WRN: variants seen among roughly 807,000 people sequenced by gnomAD.
WRN encodes WRN RecQ like helicase.
In WRN, 149 loss-of-function variants were observed where a neutral mutation model predicts 180.7. The observed-to-expected ratio is 0.82, with a 90% CI of 0.72 to 0.94. The LOEUF is 0.94. Among genes scored for constraint, WRN ranks in the 40% least tolerant of loss-of-function variants. The pLI is 0.00. For missense variants in WRN, 1,661 were observed against 1,700.1 expected (o/e 0.98, Z 0.40); for synonymous variants, 548 against 568.9 (o/e 0.96, Z 0.52).
At chr8:31,170,994 G>T (rs1804080237) in intron 34 of WRN, 1 of 152,124 alleles carries the variant, frequency 6.6e-6, no homozygotes, top group African/African-American at 2.4e-5. Flanking sequence ...GATGTGTTTT[G>T]CTATTTTACA....
chr8:31,148,639 C>G (rs1323874096), intron 30 of WRN, among the ~76,000 whole-genome samples: 1 of 152,138 alleles, frequency 6.6e-6, no homozygotes, highest in East Asian at 1.9e-4. Flanking sequence ...CGCTTTATTA[C>G]TATTTCTCGC....
intron 24 of WRN, among the ~76,000 whole-genome samples, chr8:31,140,991 G>A (rs1802601855): frequency 6.6e-6 from 1 of 152,040 alleles, no homozygotes; most frequent in Non-Finnish European, 1.5e-5. Context: ...TCCTGACCTC[G>A]TGATCTGCCT....
At chr8:31,098,776 T>C (rs962664701) in intron 17 of WRN, among the ~76,000 whole-genome samples, 1 of 152,214 alleles carries the variant, frequency 6.6e-6, no homozygotes, top group African/African-American at 2.4e-5. Flanking sequence ...CCAACCAGAC[T>C]TTTAACTTAA....
chr8:31,170,469 T>A (rs1174478048), intron 34 of WRN, among the ~76,000 whole-genome samples: 2 of 152,220 alleles, frequency 1.3e-5, no homozygotes, highest in African/African-American at 2.4e-5. Flanking sequence ...AATTGACTTA[T>A]GAAAATAGTT....
intron 16 of WRN, among the ~76,000 whole-genome samples, chr8:31,093,965 A>G (rs1813858146): frequency 6.6e-6 from 1 of 152,224 alleles, no homozygotes; most frequent in South Asian, 2.1e-4. Context: ...AGTGGATTAC[A>G]TTTTATGGAT....
chr8:31,061,932 A>G (rs565730237), intron 3 of WRN, among the ~76,000 whole-genome samples: 1 of 152,072 alleles, frequency 6.6e-6, no homozygotes, highest in Admixed American at 6.5e-5. Context: ...CCTTAGGGAG[A>G]TTTCTGGAGC....
chr8:31,172,069 G>A (rs995465404), intron 34 of WRN, among the ~76,000 whole-genome samples: 2 of 152,124 alleles, frequency 1.3e-5, no homozygotes, highest in East Asian at 3.9e-4. Context: ...TTAGGCTTAT[G>A]AAACACTTAG....
intron 18 of WRN, among the ~76,000 whole-genome samples, chr8:31,108,695 C>CA (rs1801188283): frequency 6.6e-6 from 1 of 151,850 alleles, no homozygotes; most frequent in Admixed American, 6.6e-5. Flanking sequence ...CACAGGTTTG[C>CA]AGTGTTACAC....
Position 31,091,025 on chromosome 8 carries a change from A to G in WRN, c.1829+83A>G. 3.8e-6 allele frequency: 4 copies of G among 1,062,826 alleles called. No homozygotes were observed. The South Asian group carries it at 3.8e-5, about 10-fold the overall frequency. 65.8% of individuals were successfully genotyped at this position (1,062,826 alleles called of 1,614,324 possible). A position where few individuals can be genotyped will look rare whatever the true frequency, so the allele number is the denominator to read the frequency against. On this transcript the variant is annotated intron_variant, in intron 15 of 34. Transcript: ENST00000298139. ...CATCTGATCCATCATGCATGTTAAA[A>G]TCTAGTTCACAATAACACATTTCTG...
At chr8:31,037,641 G>A (rs1811500215) in intron 1 of WRN, among the ~76,000 whole-genome samples, 1 of 152,184 alleles carries the variant, frequency 6.6e-6, no homozygotes, top group Non-Finnish European at 1.5e-5. Flanking sequence ...TTATTGAAGA[G>A]CCTGACCTTT....
intron 12 of WRN, among the ~76,000 whole-genome samples, chr8:31,088,279 T>G (rs2130159932): frequency 6.6e-6 from 1 of 152,294 alleles, no homozygotes. Flanking sequence ...TCTTGGCCAC[T>G]CAGGAATCTT....
rs1163698357 is a variant in WRN, at chr8:31,167,141, G to A, written c.4102G>A (p.Asp1368Asn). 4 of 1,613,208 alleles carry A rather than the reference G, an allele frequency of 2.5e-6. No homozygotes were observed. The East Asian group carries it at 8.9e-5, about 36-fold the overall frequency. Residue 1368 changes from aspartate to asparagine, a missense_variant, in exon 34 of 35, where the codon GAT becomes AAT. Asp to Asn is a conservative substitution (Grantham distance 23). Around this residue, in one of 3 missense-constraint regions of WRN, gnomAD observed 1,141 missense variants for 1,149.4 expected, o/e 0.99. Transcript: ENST00000298139. ...TGACAGCGGACTTCAACCTTCATGT[G>A]ATGTCAACAAAAGGAGATGTTTTCC... ...GPDSGLQPSCDVNKRRCFPGS... is the reference protein window; with the variant it reads ...GPDSGLQPSCNVNKRRCFPGS...
At chr8:31,073,977 C>T (rs552380453) in intron 7 of WRN, among the ~76,000 whole-genome samples, 11 of 151,386 alleles carry the variant, frequency 7.3e-5, no homozygotes, top group African/African-American at 2.2e-4. Context: ...AGTGCAGTGG[C>T]GCGATCTCTG....
At chr8:31,047,338 C>T (rs866236126) in intron 1 of WRN, among the ~76,000 whole-genome samples, 8 of 152,034 alleles carry the variant, frequency 5.3e-5, no homozygotes, top group Middle Eastern at 3.4e-3. Context: ...AGATAGTATT[C>T]GCCATGTTGC....
chr8:31,164,677 G>C (rs1247423660), intron 33 of WRN, among the ~76,000 whole-genome samples: 1 of 152,124 alleles, frequency 6.6e-6, no homozygotes, highest in Non-Finnish European at 1.5e-5. Flanking sequence ...ATTGAATGAA[G>C]TACCTAGACA....
In WRN at chr8:31,154,685, A is replaced by G. The variant is rs1444923615; in HGVS notation, c.3749A>G (p.Asn1250Ser). Residue 1250 changes from asparagine to serine, a missense_variant, in exon 32 of 35, where the codon AAT becomes AGT. By Grantham distance (46) the Asn-to-Ser change is conservative (BLOSUM62 1). Coordinates refer to ENST00000298139, the MANE Select transcript of WRN (RefSeq NM_000553.6). ...EEQKTSLVAK[N>S]KICTLSQSMA... The stretch of plus-strand genomic sequence containing the variant: ...CAGAAGACGAGTCTGGTAGCAAAAA[A>G]TAAAATATGCACACTTTCACAGTCT... The G allele has an allele frequency of 1.7e-5, 28 of 1,613,706 alleles. No individual in the cohort carries two copies. Among genetic ancestry groups the G allele is most frequent in the Non-Finnish European group, 2.2e-5 (26 of 1,179,762 alleles).
At chr8:31,099,099 G>A (rs115214280) in intron 17 of WRN, among the ~76,000 whole-genome samples, 1 of 151,214 alleles carries the variant, frequency 6.6e-6, no homozygotes, top group Non-Finnish European at 1.5e-5. Flanking sequence ...AAGGAAGGAA[G>A]GGAGAAAGGA....
At chr8:31,095,494 TTA>T (rs1445223579) in intron 16 of WRN, among the ~76,000 whole-genome samples, 3 of 152,234 alleles carry the variant, frequency 2.0e-5, no homozygotes, top group Non-Finnish European at 4.4e-5. Context: ...AGATTTGCTT[TTA>T]TGTTTTCTCC....
chr8:31,120,434 AT>A lies in WRN; in HGVS notation c.2630+13del, dbSNP rs1268840716. 3.7e-6 allele frequency: 6 copies of A among 1,609,718 alleles called. No homozygotes were observed. Among genetic ancestry groups the A allele is most frequent in the Non-Finnish European group, 5.1e-6 (6 of 1,177,584 alleles). The stretch of plus-strand genomic sequence containing the variant: ...ACATTAACTTAAATAGGTAAAAAAA[AT>A]TTATTGTTTTTACTCTTGCAGATTT... On this transcript the variant is annotated intron_variant, in intron 21 of 34. Coordinates refer to ENST00000298139, the MANE Select transcript of WRN (RefSeq NM_000553.6).
Sources: allele counts gnomAD v4.1 joint callset (sites outside exome capture counted in the v4.1 genomes callset), GRCh38; gene constraint gnomAD v4.1.1; regional missense constraint gnomAD v4.1.1; transcripts MANE v1.5; gene names NCBI Gene and HGNC (gene_info 2026-07-23, HGNC 2026-07-21).